The following CPA5 variants were observed in gnomAD, a reference collection of about 807,000 sequenced individuals.
CPA5 encodes testicular tissue protein Li 32.
A neutral mutation model predicts 52.2 loss-of-function variants in CPA5; 38 were observed. That is an observed-to-expected ratio of 0.73 (90% CI 0.56 to 0.95). CPA5 has a LOEUF of 0.95. CPA5 is among the 40% of genes least tolerant of loss of function. The pLI is 0.00. For synonymous variants in CPA5, 198 were observed against 213.7 expected (o/e 0.93, Z 0.64); for missense variants, 519 against 566.7 (o/e 0.92, Z 0.86).
chr7:130,353,202 T>C (rs1220239316), intron 5 of CPA5, among the ~76,000 whole-genome samples: 10 of 141,256 alleles, frequency 7.1e-5, no homozygotes, highest in African/African-American at 2.6e-4. Context: ...CTGAAACTCC[T>C]GAAAATACTG....
intron 9 of CPA5, 27 bp downstream of exon 9, chr7:130,363,021 G>A (rs535146063): frequency 1.4e-6 from 2 of 1,389,352 alleles, no homozygotes; most frequent in South Asian, 1.2e-5. Context: ...AGGATGGAAG[G>A]AGGGGGTCAG....
intron 10 of CPA5, 105 bp from the exon 11 acceptor site, chr7:130,367,267 G>A (rs1019747123): frequency 6.1e-6 from 6 of 982,678 alleles, no homozygotes; most frequent in Non-Finnish European, 9.3e-6. Flanking sequence ...CAGTCATACT[G>A]CAAAGGAGGC....
chr7:130,358,797 T>G (rs910447026), intron 5 of CPA5, among the ~76,000 whole-genome samples: 3 of 152,140 alleles, frequency 2.0e-5, no homozygotes, highest in African/African-American at 7.2e-5. Flanking sequence ...CAAGATTATG[T>G]AGGTGGTCTG....
intron 10 of CPA5, among the ~76,000 whole-genome samples, chr7:130,367,138 T>G (rs151106250): frequency 6.6e-6 from 1 of 152,078 alleles, no homozygotes; most frequent in Non-Finnish European, 1.5e-5. Context: ...TTTTTTTGCT[T>G]CCAGCCACAC....
At chr7:130,348,265 C>T (rs1307986556) in intron 4 of CPA5, among the ~76,000 whole-genome samples, 2 of 152,216 alleles carry the variant, frequency 1.3e-5, no homozygotes, top group Admixed American at 1.3e-4. Context: ...CTGGGTTCGT[C>T]CCCGTCAGCC....
At chr7:130,349,882 G>A (rs1297870851) in intron 4 of CPA5, 93 bp from the exon 5 acceptor site, 11 of 1,423,612 alleles carry the variant, frequency 7.7e-6, no homozygotes, top group Admixed American at 2.1e-5. Context: ...GTCTCTACTG[G>A]CTGAGAGATT....
chr7:130,369,363 G>A (rs6964569), downstream of CPA5, among the ~76,000 whole-genome samples: 28,713 of 152,128 alleles, frequency 0.19, 2,861 homozygotes, highest in Non-Finnish European at 0.21. Flanking sequence ...GGGCACTCGT[G>A]AGATACTAAG....
intron 3 of CPA5, among the ~76,000 whole-genome samples, chr7:130,346,992 G>A (rs1181352831): frequency 1.3e-5 from 2 of 152,158 alleles, no homozygotes; most frequent in African/African-American, 2.4e-5. Flanking sequence ...TGTGGGTGTC[G>A]TTCTCCTTCG....
In CPA5 at chr7:130,367,848, G is replaced by T. The variant is rs1392631548; in HGVS notation, c.1039-58G>T. The T allele has an allele frequency of 5.7e-6, 8 of 1,407,682 alleles. No individual in the cohort carries two copies. The Admixed American group carries it at 1.0e-4, about 18-fold the overall frequency. 87.2% of individuals were successfully genotyped at this position (1,407,682 alleles called of 1,614,324 possible). On this transcript the variant is annotated intron_variant, in intron 11 of 12. Transcript: ENST00000474905. ...TTCTCACCAGCTGGTGAGGGTGGGG[G>T]AGTGTGTGGGAGCCCCGGGGAGCCC...
At chr7:130,359,317 C>T (rs1394130830) in intron 5 of CPA5, among the ~76,000 whole-genome samples, 1 of 152,228 alleles carries the variant, frequency 6.6e-6, no homozygotes, top group Non-Finnish European at 1.5e-5. Flanking sequence ...AATTCCACAG[C>T]CAGTTAGTGG....
intron 5 of CPA5, among the ~76,000 whole-genome samples, chr7:130,356,005 C>G (rs143749384): frequency 6.6e-6 from 1 of 152,224 alleles, no homozygotes; most frequent in African/African-American, 2.4e-5. Context: ...AGCCACCCCC[C>G]ACATCCAGTG....
intron 10 of CPA5, among the ~76,000 whole-genome samples, chr7:130,364,244 G>A (rs1358102377): frequency 6.6e-6 from 1 of 152,294 alleles, no homozygotes; most frequent in East Asian, 1.9e-4. Flanking sequence ...CCAGGCTGGA[G>A]TGCAGTGGCG....
At chr7:130,368,077 G>A (rs1796200740) in intron 12 of CPA5, 87 bp downstream of exon 12, 5 of 1,207,618 alleles carry the variant, frequency 4.1e-6, no homozygotes, top group South Asian at 1.2e-5. Flanking sequence ...AGCTGTGCTG[G>A]CCCAAAGCTG....
intron 12 of CPA5, 110 bp from the exon 13 acceptor site, chr7:130,368,300 G>A: frequency 9.5e-7 from 1 of 1,054,764 alleles, no homozygotes. Flanking sequence ...GCCTGGGGTG[G>A]GTGGGGGTTT....
At chr7:130,350,235 T>C in intron 5 of CPA5, 126 bp downstream of exon 5, 1 of 1,028,962 alleles carries the variant, frequency 9.7e-7, no homozygotes, top group Non-Finnish European at 1.4e-6. Flanking sequence ...AGCGTGTTTG[T>C]GAACATGCTG....
chr7:130,347,762 C>G lies in CPA5; in HGVS notation c.117-4C>G, dbSNP rs2117284993. On this transcript the variant is annotated splice_region_variant and splice_polypyrimidine_tract_variant and intron_variant, in intron 3 of 12. Coordinates refer to ENST00000474905, the MANE Select transcript of CPA5 (RefSeq NM_080385.5). ...TTCCTCCGCCCCTCCCTGTGTTTTT[C>G]TAGGGACCAGGTTCTTCGAGTCCTG... is the stretch of plus-strand genomic sequence containing the variant. 1 of 1,613,426 alleles carries G rather than the reference C, an allele frequency of 6.2e-7. No homozygotes were observed. Among genetic ancestry groups the G allele is most frequent in the Admixed American group, 1.7e-5 (1 of 59,996 alleles).
chr7:130,368,092 C>T, intron 12 of CPA5, 102 bp downstream of exon 12: 1 of 1,097,298 alleles, frequency 9.1e-7, no homozygotes, highest in Non-Finnish European at 1.4e-6. Context: ...AAGCTGCCTC[C>T]CACACTGGAT....
intron 10 of CPA5, among the ~76,000 whole-genome samples, chr7:130,366,054 G>C (rs1394542453): frequency 3.9e-5 from 6 of 152,196 alleles, no homozygotes; most frequent in African/African-American, 1.2e-4. Context: ...GTGTGTGTCT[G>C]GGTTGGTGAC....
At chr7:130,353,141 C>G (rs567414202) in intron 5 of CPA5, among the ~76,000 whole-genome samples, 1 of 152,166 alleles carries the variant, frequency 6.6e-6, no homozygotes, top group Non-Finnish European at 1.5e-5. Flanking sequence ...CTCTCTTGAT[C>G]CCTTCCCTCT....
Sources: allele counts gnomAD v4.1 joint callset (sites outside exome capture counted in the v4.1 genomes callset), GRCh38; gene constraint gnomAD v4.1.1; transcripts MANE v1.5; gene names NCBI Gene and HGNC (gene_info 2026-07-23, HGNC 2026-07-21).